TPX2: variants seen among roughly 807,000 people sequenced by gnomAD.
TPX2 encodes the protein targeting protein for Xklp2.
In TPX2, 21 loss-of-function variants were observed where a neutral mutation model predicts 93.6. That is an observed-to-expected ratio of 0.22 (90% CI 0.16 to 0.32). TPX2 has a LOEUF of 0.32. Among genes scored for constraint, TPX2 ranks in the 10% least tolerant of loss-of-function variants. TPX2 has a pLI of 1.00. For synonymous variants in TPX2, 281 were observed against 298.3 expected (o/e 0.94, Z 0.60); for missense variants, 776 against 871.1 (o/e 0.89, Z 1.37).
At chr20:31,755,508 G>A (rs1022003570) in intron 2 of TPX2, among the ~76,000 whole-genome samples, 8 of 151,732 alleles carry the variant, frequency 5.3e-5, no homozygotes, top group Admixed American at 2.6e-4. Flanking sequence ...GGCCGGGCGC[G>A]GTGGCTCACA....
Position 31,794,550 on chromosome 20 carries a change from T to C in TPX2, c.1833+2T>C. On this transcript the variant is annotated splice_donor_variant, in intron 15 of 17. Transcript: ENST00000300403. LOFTEE classifies it high-confidence loss of function. Reference sequence around the variant, plus strand: ...AAGGCACAGACTTGGAAGCACCAGGTAGGGGATGGGGAGAGCAGCCAAAAT... The same window carrying C: ...AAGGCACAGACTTGGAAGCACCAGGCAGGGGATGGGGAGAGCAGCCAAAAT... The C allele has an allele frequency of 6.2e-7, 1 of 1,613,402 alleles. No individual in the cohort carries two copies.
intron 2 of TPX2, among the ~76,000 whole-genome samples, chr20:31,747,059 G>A (rs940358089): frequency 3.9e-5 from 6 of 152,122 alleles, no homozygotes; most frequent in Admixed American, 6.6e-5. Flanking sequence ...AGCAAGGATA[G>A]CCCTATATTG....
At chr20:31,794,145 A>G (rs2062120447) in intron 14 of TPX2, 121 bp downstream of exon 14, 17 of 1,168,112 alleles carry the variant, frequency 1.5e-5, no homozygotes, top group Non-Finnish European at 2.0e-5. Flanking sequence ...TAAGAACCCT[A>G]TAAAATATAA....
chr20:31,761,642 G>C (rs898519640), intron 4 of TPX2, among the ~76,000 whole-genome samples: 1 of 151,918 alleles, frequency 6.6e-6, no homozygotes, highest in South Asian at 2.1e-4. Context: ...CATTTTATCT[G>C]TTCATCTGTT....
chr20:31,752,284 T>C (rs749690835), intron 2 of TPX2, among the ~76,000 whole-genome samples: 10 of 152,190 alleles, frequency 6.6e-5, no homozygotes, highest in Non-Finnish European at 1.5e-4. Flanking sequence ...ATAAGGGCTA[T>C]AGCTGTTTTC....
At chr20:31,775,744 T>C (rs1473990498) in intron 7 of TPX2, 123 bp from the exon 8 acceptor site, 1 of 966,942 alleles carries the variant, frequency 1.0e-6, no homozygotes, top group African/African-American at 1.7e-5. Context: ...TTAGATGATA[T>C]TTTTTGGTTT....
In TPX2 at chr20:31,800,975, T is replaced by C; in HGVS notation, c.2139T>C (p.His713=). 6.2e-7 allele frequency: 1 copy of C among 1,614,052 alleles called. No individual in the cohort carries two copies. The highest frequency in any genetic ancestry group is 1.1e-5 in the South Asian group (1 of 91,076). The part of the protein sequence containing the change: ...ELARLRRELV[H]KANPIRKYQG... Reference sequence around the variant, plus strand: ...AACTTTTCCTTACTTTGCAGGTGCATAAGGCAAATCCAATACGCAAGTACC... The same window carrying C: ...AACTTTTCCTTACTTTGCAGGTGCACAAGGCAAATCCAATACGCAAGTACC... The change falls in exon 18 of 18, where the codon CAT becomes CAC. Residue 713 remains histidine (H), a synonymous_variant. Coordinates refer to ENST00000300403, the MANE Select transcript of TPX2 (RefSeq NM_012112.5).
chr20:31,758,032 C>T (rs2061862439), intron 3 of TPX2, among the ~76,000 whole-genome samples: 1 of 151,916 alleles, frequency 6.6e-6, no homozygotes, highest in African/African-American at 2.4e-5. Context: ...GTGGTTTTAT[C>T]ACCTGTGTTG....
chr20:31,752,823 C>G lies in TPX2; in HGVS notation c.-70-4584C>G, dbSNP rs538127926. On this transcript the variant is annotated intron_variant, in intron 2 of 17. Coordinates refer to ENST00000300403, the MANE Select transcript of TPX2 (RefSeq NM_012112.5). The stretch of plus-strand genomic sequence containing the variant: ...TAGAGACGGGGTTTCACCATGTTAG[C>G]CAGGATGGTCTCAATCTCCTCACCC... Among the ~76,000 whole-genome samples, 209 of 152,158 alleles carry G rather than the reference C, an allele frequency of 1.4e-3. 2 individuals are homozygous for G. In the South Asian group the frequency reaches 0.018, roughly 13 times the overall value.
chr20:31,748,366 T>C (rs2061797034), intron 2 of TPX2, among the ~76,000 whole-genome samples: 1 of 152,160 alleles, frequency 6.6e-6, no homozygotes, highest in Non-Finnish European at 1.5e-5. Flanking sequence ...ACTGAGGTTT[T>C]CACTAACCAC....
chr20:31,768,092 G>A (rs896264123), intron 5 of TPX2, among the ~76,000 whole-genome samples: 2 of 151,294 alleles, frequency 1.3e-5, no homozygotes, highest in African/African-American at 2.4e-5. Context: ...GCACCAGGTG[G>A]CCAGCTAATT....
At chr20:31,764,048 C>T (rs11696976) in intron 4 of TPX2, among the ~76,000 whole-genome samples, 3 of 151,402 alleles carry the variant, frequency 2.0e-5, no homozygotes, top group African/African-American at 4.9e-5. Context: ...CATATATATA[C>T]ACACACACAT....
chr20:31,783,990 A>G, intron 12 of TPX2, 69 bp downstream of exon 12: 1 of 1,531,296 alleles, frequency 6.5e-7, no homozygotes, highest in Non-Finnish European at 9.0e-7. Context: ...CATTCACACA[A>G]AAGTTTGGGT....
At chr20:31,750,342 A>G (rs1287486041) in intron 2 of TPX2, among the ~76,000 whole-genome samples, 1 of 151,366 alleles carries the variant, frequency 6.6e-6, no homozygotes, top group Non-Finnish European at 1.5e-5. Flanking sequence ...TTTTTAGTAG[A>G]GACAGGGTTT....
intron 7 of TPX2, among the ~76,000 whole-genome samples, chr20:31,774,150 T>C (rs200692081): frequency 6.6e-6 from 1 of 152,202 alleles, no homozygotes; most frequent in East Asian, 1.9e-4. Flanking sequence ...ATTACAGGCA[T>C]GAGCCACCGC....
Position 31,782,478 on chromosome 20 carries a change from T to C in TPX2, c.1196+88T>C, listed in dbSNP as rs1427725288. On this transcript the variant is annotated intron_variant, in intron 11 of 17. Transcript: ENST00000300403. ...CTGTTAGGGTGACAGTTGCTATTTT[T>C]CTTTCCGTAAAAATTTATGGCATTT... is the stretch of plus-strand genomic sequence containing the variant. The C allele has an allele frequency of 8.7e-6, 13 of 1,502,652 alleles. No homozygotes were observed. In the East Asian group the frequency reaches 3.0e-4, roughly 35 times the overall value. 93.1% of individuals were successfully genotyped at this position (1,502,652 alleles called of 1,614,324 possible).
intron 15 of TPX2, among the ~76,000 whole-genome samples, chr20:31,795,987 C>T (rs1382931285): frequency 3.3e-5 from 5 of 152,142 alleles, no homozygotes; most frequent in Admixed American, 1.3e-4. Flanking sequence ...CATGACTGAA[C>T]GTTGGTCCCC....
Position 31,760,166 on chromosome 20 carries a change from A to C in TPX2, c.216A>C (p.Thr72=), listed in dbSNP as rs1202014134. ...RKANLQQAIV[T]PLKPVDNTYY... ...CTAATCTTCAGCAAGCTATTGTCAC[A>C]CCTTTGAAACCAGGTAAGAAAACAT... The change falls in exon 4 of 18, where the codon ACA becomes ACC. Residue 72 remains threonine (T), a synonymous_variant. Coordinates refer to ENST00000300403, the MANE Select transcript of TPX2 (RefSeq NM_012112.5). 6.2e-7 allele frequency: 1 copy of C among 1,613,750 alleles called. No individual in the cohort carries two copies. The highest frequency in any genetic ancestry group is 1.7e-5 in the Admixed American group (1 of 59,936).
intron 2 of TPX2, among the ~76,000 whole-genome samples, chr20:31,756,372 G>C (rs2061851944): frequency 6.6e-6 from 1 of 152,124 alleles, no homozygotes; most frequent in Admixed American, 6.6e-5. Flanking sequence ...ATAGAGATTT[G>C]ACCTGGACTT....
Sources: gnomAD v4.1 joint callset for allele counts (sites outside exome capture counted in the v4.1 genomes callset) on GRCh38, gnomAD v4.1.1 for gene constraint, MANE v1.5 for transcripts, NCBI Gene and HGNC (gene_info 2026-07-23, HGNC 2026-07-21) for gene names.